DMD: variants seen among roughly 807,000 people sequenced by gnomAD.
The protein encoded by DMD is dystrophin, also known as mutant dystrophin.
Under a neutral mutation model 330.1 loss-of-function variants are expected in DMD, and 63 were observed. That is an observed-to-expected ratio of 0.19 (90% CI 0.16 to 0.24). The LOEUF (loss-of-function observed/expected upper bound fraction) is 0.24. Among genes scored for constraint, DMD ranks in the 10% least tolerant of loss-of-function variants. The probability of loss-of-function intolerance (pLI) is 1.00; values close to 1 mark genes in which losing one functional copy is unlikely to be tolerated. For synonymous variants in DMD, 1,223 were observed against 959.8 expected (o/e 1.27, Z -5.07); for missense variants, 3,344 against 2,684.1 (o/e 1.25, Z -5.43).
At chrX:33,079,082 G>A (rs983948650) in intron 1 of DMD, among the ~76,000 whole-genome samples, 4 of 111,616 alleles carry the variant, frequency 3.6e-5, no homozygotes, top group Non-Finnish European at 7.5e-5. Context: ...CCAGGCTGGA[G>A]TGCAATGGCA....
At chrX:32,859,839 T>C (rs747115987) in intron 2 of DMD, among the ~76,000 whole-genome samples, 3 of 111,669 alleles carry the variant, frequency 2.7e-5, no homozygotes, top group Non-Finnish European at 5.6e-5. Context: ...ATTCAACCTT[T>C]AATGGCTTCC....
intron 59 of DMD, among the ~76,000 whole-genome samples, chrX:31,450,995 G>A (rs954148338): frequency 9.0e-6 from 1 of 110,985 alleles, no homozygotes; most frequent in Non-Finnish European, 1.9e-5. Context: ...CCCAGTGAAC[G>A]AATCTGACTG....
intron 2 of DMD, among the ~76,000 whole-genome samples, chrX:32,883,926 T>C (rs2084268575): frequency 1.8e-5 from 2 of 108,586 alleles, no homozygotes; most frequent in Admixed American, 2.0e-4. Flanking sequence ...TTAATATTAA[T>C]GTTCTGTAGA....
intron 2 of DMD, among the ~76,000 whole-genome samples, chrX:32,908,808 T>C (rs755953129): frequency 1.3e-4 from 15 of 112,040 alleles, no homozygotes; most frequent in African/African-American, 4.5e-4. Context: ...CCTGAGGTAG[T>C]TGATATTTTA....
intron 1 of DMD, among the ~76,000 whole-genome samples, chrX:33,045,340 A>ACACACACACACACACACACACAC (rs1569551361): frequency 9.2e-6 from 1 of 109,111 alleles, no homozygotes; most frequent in Admixed American, 9.8e-5. Context: ...ACACACACAC[A>ACACACACACACACACACACACAC]AGTATTTCGT....
chrX:31,285,056 C>T (rs2053093856), intron 62 of DMD, among the ~76,000 whole-genome samples: 1 of 111,180 alleles, frequency 9.0e-6, no homozygotes, highest in African/African-American at 3.3e-5. Context: ...CTTTAAAATG[C>T]TATTCTGAAA....
intron 2 of DMD, among the ~76,000 whole-genome samples, chrX:32,927,037 CAAATCGTAGCTGTAATCACT>C (rs1260727144): frequency 9.0e-6 from 1 of 111,537 alleles, no homozygotes; most frequent in Non-Finnish European, 1.9e-5. Context: ...AATTGCTTAG[CAAATCGTAGCTGTAATCACT>C]AAATAAATAA....
At chrX:31,931,228 C>T (rs2094848378) in intron 46 of DMD, among the ~76,000 whole-genome samples, 1 of 110,905 alleles carries the variant, frequency 9.0e-6, no homozygotes, top group African/African-American at 3.3e-5. Context: ...ATACTTGGCA[C>T]ATAACAGGGA....
intron 44 of DMD, among the ~76,000 whole-genome samples, chrX:32,104,251 A>G (rs2096553823): frequency 8.9e-6 from 1 of 112,132 alleles, no homozygotes; most frequent in Admixed American, 9.5e-5. Flanking sequence ...AATCCTTCTG[A>G]TAAGCAATAT....
chrX:31,120,472 T>C lies in DMD; in HGVS notation c.*1447A>G, dbSNP rs3361. 37,574 of 110,946 alleles carry C rather than the reference T, an allele frequency of 0.34. 5,687 individuals are homozygous for C. The highest frequency in any genetic ancestry group is 0.6 in the African/African-American group (18,274 of 30,408). 9.1% of individuals were successfully genotyped at this position (110,946 alleles called of 1,213,427 possible). ...ATCACAAATGTGATGGGGCTACTGT[T>C]TTACACCTTTTCCCAAAGTTTATTT... On this transcript the variant is annotated 3_prime_UTR_variant, in exon 79 of 79. Transcript: ENST00000357033.
chrX:32,836,537 ATTTC>A (rs1166304412), intron 4 of DMD, among the ~76,000 whole-genome samples: 2 of 110,379 alleles, frequency 1.8e-5, no homozygotes, highest in African/African-American at 3.3e-5. Flanking sequence ...TGTTTCTTCT[ATTTC>A]TTTATCTTTA....
intron 43 of DMD, among the ~76,000 whole-genome samples, chrX:32,276,165 G>A (rs1304284865): frequency 1.8e-5 from 2 of 112,380 alleles, no homozygotes; most frequent in East Asian, 5.7e-4. Context: ...CCTGTGCACG[G>A]AGGGAATATT....
In DMD at chrX:31,873,219, G is replaced by T. The variant is rs751793362; in HGVS notation, c.7098+1969C>A. ...CCACTGGCTGAGCAGGCTGAGTTTTGTGCTAGTGAAATGATGTCTACTTGT... is the reference window on the plus strand; with the variant it reads ...CCACTGGCTGAGCAGGCTGAGTTTTTTGCTAGTGAAATGATGTCTACTTGT... On this transcript the variant is annotated intron_variant, in intron 48 of 78. Coordinates refer to ENST00000357033, the MANE Select transcript of DMD (RefSeq NM_004006.3). 4.5e-5 allele frequency among the ~76,000 whole-genome samples: 5 copies of T among 111,911 alleles called. No individual in the cohort carries two copies. In the South Asian group the frequency reaches 1.9e-3, roughly 42 times the overall value.
chrX:31,760,009 C>G (rs6527115), intron 51 of DMD, among the ~76,000 whole-genome samples: 28,955 of 110,957 alleles, frequency 0.26, 2,704 homozygotes, highest in East Asian at 0.45. Context: ...ATGGAGAAAT[C>G]ACTGAGAAAT....
At chrX:32,061,628 C>T (rs1220649485) in intron 44 of DMD, among the ~76,000 whole-genome samples, 1 of 110,885 alleles carries the variant, frequency 9.0e-6, no homozygotes, top group Non-Finnish European at 1.9e-5. Context: ...GAGAATTGTC[C>T]ACACCACTGC....
intron 44 of DMD, among the ~76,000 whole-genome samples, chrX:32,026,008 G>C (rs1028418590): frequency 8.9e-6 from 1 of 112,029 alleles, no homozygotes; most frequent in Non-Finnish European, 1.9e-5. Context: ...AATTTCTGTA[G>C]AAGTAGTCGA....
intron 1 of DMD, among the ~76,000 whole-genome samples, chrX:33,255,997 G>C (rs1173809537): frequency 9.0e-6 from 1 of 111,476 alleles, no homozygotes; most frequent in African/African-American, 3.2e-5. Flanking sequence ...TTGACAGTCT[G>C]ACCATGGGTT....
At chrX:31,222,392 CAAAAAAAAAAAA>C (rs57227723) in intron 64 of DMD, among the ~76,000 whole-genome samples, 1 of 20,626 alleles carries the variant, frequency 4.8e-5, no homozygotes, top group African/African-American at 1.6e-4. Context: ...GACTCCATCT[CAAAAAAAAAAAA>C]AAAAAAAAAA....
intron 13 of DMD, among the ~76,000 whole-genome samples, chrX:32,583,943 GA>G (rs2053941062): frequency 9.0e-6 from 1 of 111,208 alleles, no homozygotes; most frequent in African/African-American, 3.3e-5. Context: ...AAACATAACA[GA>G]AAATATTGAA....
Sources: gnomAD v4.1 joint callset for allele counts (sites outside exome capture counted in the v4.1 genomes callset) on GRCh38, gnomAD v4.1.1 for gene constraint, MANE v1.5 for transcripts, NCBI Gene and HGNC (gene_info 2026-07-23, HGNC 2026-07-21) for gene names.